Variants in ZIM3 observed in about 807,000 individuals in gnomAD.
ZIM3 encodes zinc finger protein 657.
A neutral mutation model predicts 12.9 loss-of-function variants in ZIM3; 11 were observed. The ratio of observed to expected loss-of-function variants is 0.85; its 90% CI spans 0.54 to 1.41. The LOEUF (loss-of-function observed/expected upper bound fraction) is 1.41. Ranked by LOEUF, ZIM3 falls within the 40% of genes most tolerant of loss-of-function variation. The pLI, the probability that ZIM3 is intolerant of heterozygous loss-of-function variation, is 0.00. For missense variants in ZIM3, 604 were observed against 557.2 expected, an observed-to-expected ratio of 1.08 and a Z score of -0.85; for synonymous variants, 205 against 198.5, an observed-to-expected ratio of 1.03 and a Z score of -0.28.
At chr19:57,138,441 T>C (rs1200679913) in intron 3 of ZIM3, 31 bp downstream of exon 3, 1 of 1,613,800 alleles carries the variant, frequency 6.2e-7, no homozygotes, top group Non-Finnish European at 8.5e-7. Flanking sequence ...CCTTAGGTTT[T>C]GAGTCCCCCT....
chr19:57,136,838 C>G, intron 4 of ZIM3, 35 bp downstream of exon 4: 1 of 1,588,686 alleles, frequency 6.3e-7, no homozygotes, highest in Non-Finnish European at 8.6e-7. Context: ...GGCTTCCATG[C>G]ACCATTGACC....
chr19:57,140,146 C>A (rs1044754630), intron 2 of ZIM3, among the ~76,000 whole-genome samples: 2 of 152,078 alleles, frequency 1.3e-5, no homozygotes, highest in African/African-American at 4.8e-5. Flanking sequence ...TGCTCTAGCT[C>A]GCTTTTTTAA....
intron 3 of ZIM3, among the ~76,000 whole-genome samples, chr19:57,137,870 AGAAG>A (rs1399348456): frequency 6.4e-5 from 2 of 31,230 alleles, no homozygotes; most frequent in Non-Finnish European, 1.2e-4. Flanking sequence ...AAGGAAGGAA[AGAAG>A]GAAGGAAGGA....
chr19:57,135,832 A>G lies in ZIM3; in HGVS notation c.505T>C (p.Cys169Arg). Residue 169 changes from cysteine (C) to arginine (R), a missense_variant, in exon 5 of 5, where the codon TGT (cysteine) becomes CGT (arginine). Cys to Arg is a radical substitution (Grantham distance 180, BLOSUM62 -3). Transcript: ENST00000269834. Reference sequence around the variant, plus strand: ...CTGAATAACTTTCTACAGGCATTACATTTCAGTTGTTGTCCTACAAATTTG... The same window carrying G: ...CTGAATAACTTTCTACAGGCATTACGTTTCAGTTGTTGTCCTACAAATTTG... Reference protein sequence around the residue: ...PSKFVGQQLKCNACRKLFSSK... With the variant: ...PSKFVGQQLKRNACRKLFSSK... 2 of 1,614,128 alleles carry G rather than the reference A, an allele frequency of 1.2e-6. No homozygotes were observed. The highest frequency in any genetic ancestry group is 8.5e-7 in the Non-Finnish European group (1 of 1,180,030).
chr19:57,143,730 C>T (rs2086925366), intron 1 of ZIM3, among the ~76,000 whole-genome samples: 2 of 149,242 alleles, frequency 1.3e-5, no homozygotes, highest in South Asian at 4.2e-4. Context: ...GGCTGGAGTG[C>T]AGTGGCACAG....
chr19:57,141,193 G>A (rs933056735), intron 2 of ZIM3, among the ~76,000 whole-genome samples: 11 of 151,940 alleles, frequency 7.2e-5, no homozygotes, highest in East Asian at 1.9e-4. Flanking sequence ...TCAGGAGTTC[G>A]AGACCAGCCC....
chr19:57,142,173 A>T (rs1182182790), intron 2 of ZIM3, among the ~76,000 whole-genome samples: 14 of 129,286 alleles, frequency 1.1e-4, no homozygotes, highest in Admixed American at 9.0e-4. Context: ...AGACAGGGTC[A>T]TGCTCTGTCA....
intron 2 of ZIM3, among the ~76,000 whole-genome samples, chr19:57,142,032 G>A (rs957538544): frequency 7.2e-5 from 11 of 151,960 alleles, no homozygotes; most frequent in African/African-American, 2.2e-4. Flanking sequence ...CTTCACCTAC[G>A]GCAGCTGATT....
intron 2 of ZIM3, among the ~76,000 whole-genome samples, chr19:57,141,713 GT>G (rs1340965513): frequency 1.3e-5 from 2 of 151,864 alleles, no homozygotes; most frequent in African/African-American, 4.8e-5. Context: ...TTAGCCAGGA[GT>G]GGTGGTGCGC....
chr19:57,142,687 T>C lies in ZIM3; in HGVS notation c.-42-2A>G, dbSNP rs749213999. ...CAGTAAAGTCTTGGGAAGGCAGATC[T>C]GAGGGAAAATGGAAAAGAACCATGA... On this transcript the variant is annotated splice_acceptor_variant, in intron 1 of 4. Coordinates refer to ENST00000269834, the MANE Select transcript of ZIM3 (RefSeq NM_052882.1). LOFTEE classifies it low-confidence loss of function (5UTR_SPLICE). The C allele has an allele frequency of 3.1e-6, 5 of 1,608,170 alleles. No homozygotes were observed. Among genetic ancestry groups the C allele is most frequent in the Non-Finnish European group, 4.2e-6 (5 of 1,176,650 alleles).
rs760126796 is a variant in ZIM3 at position 57,135,018 on chromosome 19, G to GT, written c.1318dup (p.Thr440AsnfsTer12). 5.0e-6 allele frequency: 8 copies of GT among 1,614,044 alleles called. No homozygotes were observed. The highest frequency in any genetic ancestry group is 1.3e-5 in the African/African-American group (1 of 75,008). ...TCCATAAGGTTTTTGTCCAGTATGG[G>GT]TTTTTTTATGCAAACTAAGGTTTAA... On this transcript the variant is annotated frameshift_variant, in exon 5 of 5. Transcript: ENST00000269834. LOFTEE classifies it low-confidence loss of function (END_TRUNC).
intron 1 of ZIM3, among the ~76,000 whole-genome samples, chr19:57,144,145 T>C (rs1026567256): frequency 1.6e-4 from 24 of 152,158 alleles, no homozygotes; most frequent in Non-Finnish European, 2.6e-4. Context: ...TAAAAATCCC[T>C]GGCTCAAGCA....
intron 2 of ZIM3, 42 bp downstream of exon 2, chr19:57,142,587 C>A (rs768153335): frequency 1.2e-6 from 2 of 1,608,518 alleles, no homozygotes; most frequent in Non-Finnish European, 8.5e-7. Context: ...GTGGGTCATA[C>A]GTTTATTCAT....
intron 4 of ZIM3, 38 bp downstream of exon 4, chr19:57,136,835 A>G: frequency 1.9e-6 from 3 of 1,578,656 alleles, no homozygotes; most frequent in Non-Finnish European, 2.6e-6. Context: ...ATTGGCTTCC[A>G]TGCACCATTG....
chr19:57,134,952 AG>A lies in ZIM3; in HGVS notation c.1384del (p.Val463LeufsTer75). On this transcript the variant is annotated frameshift_variant, in exon 5 of 5. Coordinates refer to ENST00000269834, the MANE Select transcript of ZIM3 (RefSeq NM_052882.1). LOFTEE classifies it low-confidence loss of function (END_TRUNC). ...GTGAATTCTTTTCTGGTGCCTAACAAGGTATGACCTGTCAGCGAAGGCTTTA... is the reference window on the plus strand; with the variant it reads ...GTGAATTCTTTTCTGGTGCCTAACAAGTATGACCTGTCAGCGAAGGCTTTA... ...CGKAFADRSY[L>X]VRHQKRIHSR 1 of 1,613,324 alleles carries A rather than the reference AG, an allele frequency of 6.2e-7. No homozygotes were observed. Among genetic ancestry groups the A allele is most frequent in the Non-Finnish European group, 8.5e-7 (1 of 1,179,618 alleles).
At chr19:57,141,230 A>G (rs1376996106) in intron 2 of ZIM3, among the ~76,000 whole-genome samples, 2 of 151,928 alleles carry the variant, frequency 1.3e-5, no homozygotes, top group East Asian at 3.9e-4. Flanking sequence ...CCCCATCTCT[A>G]CTAAAAATAC....
chr19:57,141,089 G>A (rs904527645), intron 2 of ZIM3, among the ~76,000 whole-genome samples: 2 of 152,098 alleles, frequency 1.3e-5, no homozygotes, highest in African/African-American at 4.8e-5. Flanking sequence ...AGGTTTGTAA[G>A]AGCAATGGTC....
intron 2 of ZIM3, among the ~76,000 whole-genome samples, chr19:57,139,015 C>A (rs1199670818): frequency 6.6e-6 from 1 of 152,064 alleles, no homozygotes; most frequent in Admixed American, 6.6e-5. Context: ...CATAGCAAAA[C>A]CCCTATCTCA....
At chr19:57,138,034 A>AGAAGGAAGGAAG (rs1305153551) in intron 3 of ZIM3, among the ~76,000 whole-genome samples, 1 of 21,806 alleles carries the variant, frequency 4.6e-5, no homozygotes, top group Non-Finnish European at 8.0e-5. Flanking sequence ...AAGGAAGGAA[A>AGAAGGAAGGAAG]GAAGGAAGGA....
Sources: allele counts gnomAD v4.1 joint callset (sites outside exome capture counted in the v4.1 genomes callset), GRCh38; gene constraint gnomAD v4.1.1; transcripts MANE v1.5; gene names NCBI Gene and HGNC (gene_info 2026-07-23, HGNC 2026-07-21).